The following ENOX1 variants were observed in gnomAD, a reference collection of about 807,000 sequenced individuals.
ENOX1 encodes candidate growth-related and time keeping constitutive hydroquinone (NADH) oxidase.
Under a neutral mutation model 82.5 loss-of-function variants are expected in ENOX1, and 42 were observed. The ratio of observed to expected loss-of-function variants is 0.51; its 90% CI spans 0.40 to 0.66. The LOEUF (loss-of-function observed/expected upper bound fraction) is 0.66. Among genes scored for constraint, ENOX1 ranks in the 30% least tolerant of loss-of-function variants. ENOX1 has a pLI of 0.00. For synonymous variants in ENOX1, 271 were observed against 282.2 expected, an observed-to-expected ratio of 0.96 and a Z score of 0.40; for missense variants, 608 against 811.6, an observed-to-expected ratio of 0.75 and a Z score of 3.05.
At chr13:43,417,080 G>A (rs1400311682) in intron 3 of ENOX1, among the ~76,000 whole-genome samples, 1 of 152,218 alleles carries the variant, frequency 6.6e-6, no homozygotes, top group Non-Finnish European at 1.5e-5. Context: ...GTGGTGGCGT[G>A]CGCCTGCAAT....
At chr13:43,472,280 A>G (rs898741128) in intron 3 of ENOX1, among the ~76,000 whole-genome samples, 1 of 152,150 alleles carries the variant, frequency 6.6e-6, no homozygotes, top group African/African-American at 2.4e-5. Context: ...CAAAAATAAA[A>G]CTTCCTGAGA....
intron 2 of ENOX1, among the ~76,000 whole-genome samples, chr13:43,572,232 A>G (rs1566552257): frequency 6.6e-6 from 1 of 152,194 alleles, no homozygotes; most frequent in Non-Finnish European, 1.5e-5. Context: ...ATTAGATTAT[A>G]AGATTTTGTA....
chr13:43,644,198 C>G (rs573582267), intron 2 of ENOX1, among the ~76,000 whole-genome samples: 7 of 152,182 alleles, frequency 4.6e-5, no homozygotes, highest in African/African-American at 7.2e-5. Context: ...AGGTAACCAT[C>G]CATTCTTTCC....
intron 1 of ENOX1, among the ~76,000 whole-genome samples, chr13:43,763,827 G>C (rs1351950356): frequency 6.6e-6 from 1 of 152,096 alleles, no homozygotes; most frequent in African/African-American, 2.4e-5. Flanking sequence ...TGCTAGCGTA[G>C]AATAAGCAAA....
intron 5 of ENOX1, among the ~76,000 whole-genome samples, chr13:43,392,865 G>A (rs2052881036): frequency 6.6e-6 from 1 of 151,868 alleles, no homozygotes; most frequent in Non-Finnish European, 1.5e-5. Flanking sequence ...TTCATTCAAA[G>A]TGTAAAATGA....
intron 11 of ENOX1, among the ~76,000 whole-genome samples, chr13:43,299,542 A>G (rs372727421): frequency 2.6e-4 from 40 of 152,082 alleles, no homozygotes; most frequent in African/African-American, 9.7e-4. Flanking sequence ...AACTCATCCA[A>G]TCCCACAAAG....
chr13:43,417,384 C>T (rs923837666), intron 3 of ENOX1, among the ~76,000 whole-genome samples: 2 of 152,126 alleles, frequency 1.3e-5, no homozygotes, highest in Non-Finnish European at 2.9e-5. Context: ...TCAAGGCTGC[C>T]GTGACATTGT....
At chr13:43,663,729 G>C (rs959699460) in intron 2 of ENOX1, among the ~76,000 whole-genome samples, 3 of 151,952 alleles carry the variant, frequency 2.0e-5, no homozygotes, top group African/African-American at 7.3e-5. Flanking sequence ...ATATGAACAA[G>C]CAAGAAAAAG....
intron 1 of ENOX1, among the ~76,000 whole-genome samples, chr13:43,769,419 TAATTTTTTTTTTTA>T (rs1248131448): frequency 4.0e-5 from 6 of 150,166 alleles, no homozygotes; most frequent in African/African-American, 1.5e-4. Context: ...ATTTCTAAGT[TAATTTTTTTTTTTA>T]CTAAATTCAA....
At chr13:43,775,362 G>A (rs927055671) in intron 1 of ENOX1, among the ~76,000 whole-genome samples, 3 of 151,940 alleles carry the variant, frequency 2.0e-5, no homozygotes, top group Non-Finnish European at 2.9e-5. Flanking sequence ...GGCTGCTCTC[G>A]AACTCTTAGT....
intron 3 of ENOX1, among the ~76,000 whole-genome samples, chr13:43,439,549 C>G (rs2056245980): frequency 6.6e-6 from 1 of 152,138 alleles, no homozygotes; most frequent in Non-Finnish European, 1.5e-5. Flanking sequence ...TATAGTGTTC[C>G]TGGCTTCAAC....
chr13:43,520,102 T>C (rs1258911890), intron 2 of ENOX1, among the ~76,000 whole-genome samples: 2 of 152,176 alleles, frequency 1.3e-5, no homozygotes, highest in Non-Finnish European at 2.9e-5. Context: ...TAGTAAATGC[T>C]TTTAAAAATG....
intron 1 of ENOX1, among the ~76,000 whole-genome samples, chr13:43,756,855 T>C (rs1950669837): frequency 6.6e-6 from 1 of 151,246 alleles, no homozygotes; most frequent in Admixed American, 6.6e-5. Flanking sequence ...CACAGGTAAA[T>C]GTTTGTAAAT....
At chr13:43,548,500 T>C (rs899401314) in intron 2 of ENOX1, among the ~76,000 whole-genome samples, 3 of 152,208 alleles carry the variant, frequency 2.0e-5, no homozygotes, top group Non-Finnish European at 4.4e-5. Flanking sequence ...AAGTAGGTTA[T>C]CTTTAACTGG....
At chr13:43,716,119 AAGG>A (rs1487808749) in intron 1 of ENOX1, among the ~76,000 whole-genome samples, 1 of 152,110 alleles carries the variant, frequency 6.6e-6, no homozygotes, top group African/African-American at 2.4e-5. Context: ...CGTTCCTTTG[AAGG>A]AGGAGAGGCG....
intron 14 of ENOX1, among the ~76,000 whole-genome samples, chr13:43,245,658 GTCGTGGGCTCTCA>G (rs1386345472): frequency 1.3e-5 from 2 of 152,176 alleles, no homozygotes; most frequent in Admixed American, 6.5e-5. Context: ...CATCCCGAGG[GTCGTGGGCTCTCA>G]CCACCTCTGC....
intron 1 of ENOX1, among the ~76,000 whole-genome samples, chr13:43,741,985 T>C (rs1949764506): frequency 6.6e-6 from 1 of 152,216 alleles, no homozygotes; most frequent in Non-Finnish European, 1.5e-5. Context: ...GCACCATTTG[T>C]TGAAAAGATT....
chr13:43,398,420 T>C (rs1210539898), intron 5 of ENOX1, among the ~76,000 whole-genome samples: 1 of 152,152 alleles, frequency 6.6e-6, no homozygotes, highest in Non-Finnish European at 1.5e-5. Context: ...ACTCAAACTT[T>C]AGTTGCAGTT....
At chr13:43,546,146 G>A (rs1165495103) in intron 2 of ENOX1, 3 of 152,280 alleles carry the variant, frequency 2.0e-5, no homozygotes, top group Admixed American at 6.5e-5. Context: ...GTTCTAGTAG[G>A]AAGAGACAAA....
Sources: gnomAD v4.1 joint callset for allele counts (sites outside exome capture counted in the v4.1 genomes callset) on GRCh38, gnomAD v4.1.1 for gene constraint, MANE v1.5 for transcripts, NCBI Gene and HGNC (gene_info 2026-07-23, HGNC 2026-07-21) for gene names.